Variants in UNK observed in about 807,000 individuals in gnomAD.
The protein encoded by UNK is unk zinc finger, also known as RING finger protein unkempt homolog.
In UNK, 32 loss-of-function variants were observed where a neutral mutation model predicts 97.6. The ratio of observed to expected loss-of-function variants is 0.33; its 90% CI spans 0.25 to 0.44. The LOEUF (loss-of-function observed/expected upper bound fraction) is 0.44. Among genes scored for constraint, UNK ranks in the 20% least tolerant of loss-of-function variants. The pLI is 1.00. For missense variants in UNK, 771 were observed against 1,098.4 expected (o/e 0.70, Z 4.21); for synonymous variants, 441 against 461.2 (o/e 0.96, Z 0.56).
At position 75,818,195 on chromosome 17, in the gene UNK, C is replaced by T. The variant is rs2062034225; in HGVS notation, c.1371+27C>T. On this transcript the variant is annotated intron_variant, in intron 10 of 15. Transcript: ENST00000589666. The surrounding 1 kb of genome is among the most constrained non-coding windows in gnomAD (Gnocchi z 5.1). ...TATAGAGCTCTCAGCCCCCTTCCTCCCCTCTGCTGTGGACAGGAGTGGCCC... is the reference window on the plus strand; with the variant it reads ...TATAGAGCTCTCAGCCCCCTTCCTCTCCTCTGCTGTGGACAGGAGTGGCCC... 1.9e-6 allele frequency: 3 copies of T among 1,612,612 alleles called. No individual in the cohort carries two copies. The highest frequency in any genetic ancestry group is 1.3e-5 in the African/African-American group (1 of 75,018).
chr17:75,817,389 A>C lies in UNK; in HGVS notation c.1168A>C (p.Ile390Leu), dbSNP rs1599386714. The C allele has an allele frequency of 6.2e-7, 1 of 1,611,134 alleles. No individual in the cohort carries two copies. The highest frequency in any genetic ancestry group is 8.5e-7 in the Non-Finnish European group (1 of 1,178,252). ...CCTCTGCGGCTCCCCACCGGGCTCC[A>C]TCAGGAAGCCCCCAAACCTGGAGGG... ...SNLCGSPPGS[I>L]RKPPNLEGIV... Residue 390 changes from isoleucine (I) to leucine (L), a missense_variant, in exon 9 of 16, where the codon ATC (isoleucine) becomes CTC (leucine). Physicochemically the swap from Ile to Leu is conservative, Grantham distance 5 (BLOSUM62 2). Around this residue, in one of 5 missense-constraint regions of UNK, gnomAD observed 192 missense variants for 202.4 expected, o/e 0.95. Transcript: ENST00000589666. The surrounding 1 kb of genome is among the most constrained non-coding windows in gnomAD (Gnocchi z 5.8).
At chr17:75,797,479 C>T (rs2061817024) in intron 1 of UNK, among the ~76,000 whole-genome samples, 1 of 152,244 alleles carries the variant, frequency 6.6e-6, no homozygotes. Context: ...AGGCGATCCG[C>T]CCGCCTTGGC....
chr17:75,787,458 T>C (rs1300524266), intron 1 of UNK, among the ~76,000 whole-genome samples: 1 of 151,718 alleles, frequency 6.6e-6, no homozygotes, highest in Non-Finnish European at 1.5e-5. Flanking sequence ...GCAAGCAATC[T>C]ACTGTTGGGC....
intron 1 of UNK, among the ~76,000 whole-genome samples, chr17:75,804,433 C>T (rs112433424): frequency 0.031 from 4,639 of 151,900 alleles, 254 homozygotes; most frequent in African/African-American, 0.11. Flanking sequence ...CCTGCCTGGG[C>T]GACAGAGTGA....
At chr17:75,800,118 G>C (rs183540867) in intron 1 of UNK, among the ~76,000 whole-genome samples, 1 of 152,116 alleles carries the variant, frequency 6.6e-6, no homozygotes, top group Admixed American at 6.5e-5. Flanking sequence ...CTCCTGGCTG[G>C]AGTGCAGTGG....
At chr17:75,804,597 G>A (rs992317541) in intron 1 of UNK, among the ~76,000 whole-genome samples, 2 of 152,146 alleles carry the variant, frequency 1.3e-5, no homozygotes, top group Admixed American at 6.5e-5. Context: ...CAGCACATTG[G>A]GAGGTTGAGG....
rs545235503 is a variant in UNK at position 75,816,936 on chromosome 17, G to A, written c.1104+24G>A. On this transcript the variant is annotated intron_variant, in intron 8 of 15. Coordinates refer to ENST00000589666, the MANE Select transcript of UNK (RefSeq NM_001080419.3). This position sits in a 1 kb window ranked among gnomAD's most constrained non-coding sequence, Gnocchi z 4.0. ...CCGTACGTGTCCATCCTGGGGAGTG[G>A]GTGGGCACCATGCCTGACAGAGCCA... is the stretch of plus-strand genomic sequence containing the variant. 1.3e-5 allele frequency: 20 copies of A among 1,589,344 alleles called. No homozygotes were observed. The South Asian group carries it at 2.0e-4, about 16-fold the overall frequency.
intron 1 of UNK, chr17:75,793,548 T>C (rs2061780355): frequency 3.0e-6 from 3 of 985,394 alleles, no homozygotes; most frequent in Admixed American, 1.2e-4. Flanking sequence ...TGACCTTTTT[T>C]CCTGTTGGTG....
At chr17:75,792,889 T>A (rs2061774567) in intron 1 of UNK, among the ~76,000 whole-genome samples, 1 of 152,234 alleles carries the variant, frequency 6.6e-6, no homozygotes, top group African/African-American at 2.4e-5. Context: ...AGAGAGGGCT[T>A]CAAGCGCATG....
Position 75,822,537 on chromosome 17 carries a change from G to T in UNK, c.1898G>T (p.Gly633Val), listed in dbSNP as rs1315496167. Residue 633 changes from glycine to valine, a missense_variant, in exon 14 of 16, where the codon GGC (glycine) becomes GTC (valine). Physicochemically the swap from Gly to Val is moderately radical, Grantham distance 109 (BLOSUM62 -3). Around this residue, in one of 5 missense-constraint regions of UNK, gnomAD observed 208 missense variants for 257.4 expected, o/e 0.81. Coordinates refer to ENST00000589666, the MANE Select transcript of UNK (RefSeq NM_001080419.3). ...EHFASGSFSP[G>V]TSPAFLSGPG... ...TTTGCCTCTGGAAGCTTCTCCCCGGGCACTTCCCCCGCTTTCCTATCAGGG... is the reference window on the plus strand; with the variant it reads ...TTTGCCTCTGGAAGCTTCTCCCCGGTCACTTCCCCCGCTTTCCTATCAGGG... 6.2e-7 allele frequency: 1 copy of T among 1,613,566 alleles called. No individual in the cohort carries two copies.
At position 75,809,760 on chromosome 17, in the gene UNK, G is replaced by A; in HGVS notation, c.105G>A (p.Thr35=). 2 of 1,604,428 alleles carry A rather than the reference G, an allele frequency of 1.2e-6. No individual in the cohort carries two copies. Among genetic ancestry groups the A allele is most frequent in the South Asian group, 2.2e-5 (2 of 89,666 alleles). ...GCCCCACGCGGGGCTCTCTCTGCAG[G>A]TACCTGAAAGAATTCCGCACAGAGC... ...QAQPEKPQHY[T]YLKEFRTEQC... Residue 35 remains threonine (T), a splice_region_variant and synonymous_variant, in exon 2 of 16, where the codon ACG becomes ACA. Coordinates refer to ENST00000589666, the MANE Select transcript of UNK (RefSeq NM_001080419.3).
intron 15 of UNK, 130 bp downstream of exon 15, chr17:75,823,652 A>C: frequency 1.5e-6 from 2 of 1,309,318 alleles, no homozygotes; most frequent in Non-Finnish European, 2.0e-6. Flanking sequence ...CTGGGCCAGC[A>C]CTCAAAAGGC....
At chr17:75,792,057 C>G in intron 1 of UNK, 1 of 985,440 alleles carries the variant, frequency 1.0e-6, no homozygotes, top group Non-Finnish European at 1.2e-6. Context: ...AAGCCATGAG[C>G]ACGCTTAGGT....
intron 1 of UNK, among the ~76,000 whole-genome samples, chr17:75,803,318 A>C (rs1599370863): frequency 1.3e-5 from 2 of 152,104 alleles, no homozygotes; most frequent in African/African-American, 4.8e-5. Context: ...CAGAAGAATC[A>C]CTTGAACCCG....
At position 75,825,666 on chromosome 17, in the gene UNK, TC is replaced by T. The variant is rs1362585468; in HGVS notation, c.*1251del. The stretch of plus-strand genomic sequence containing the variant: ...GAACAAGAGGGCTGAGAGGGTCTGG[TC>T]CTGGCCCAGGCTCCCCCTTGGGCTC... On this transcript the variant is annotated 3_prime_UTR_variant, in exon 16 of 16. Transcript: ENST00000589666. This position sits in a 1 kb window ranked among gnomAD's most constrained non-coding sequence, Gnocchi z 4.4. 1 of 152,258 alleles carries T rather than the reference TC, an allele frequency of 6.6e-6. No individual in the cohort carries two copies. The highest frequency in any genetic ancestry group is 2.4e-5 in the African/African-American group (1 of 41,442). The allele number at this position is 152,258 out of a possible 1,614,324, so 9.4% of individuals were successfully genotyped here.
intron 1 of UNK, among the ~76,000 whole-genome samples, chr17:75,786,416 TG>T: frequency 6.6e-6 from 1 of 152,342 alleles, no homozygotes; most frequent in African/African-American, 2.4e-5. Context: ...CAGCAACTTG[TG>T]TTTCTGTGTT....
chr17:75,804,945 G>A (rs1428162747), intron 1 of UNK, among the ~76,000 whole-genome samples: 1 of 152,122 alleles, frequency 6.6e-6, no homozygotes, highest in Admixed American at 6.5e-5. Context: ...TGTAATCCCA[G>A]CACTTTGGGA....
intron 1 of UNK, 75 bp downstream of exon 1, chr17:75,785,059 G>T (rs1230174474): frequency 9.1e-7 from 1 of 1,097,388 alleles, no homozygotes. Context: ...CGCGCGCAGG[G>T]AGAGCGCGAG....
chr17:75,818,057 A>AC lies in UNK; in HGVS notation c.1306-40dup, dbSNP rs758547491. ...GCCTCAGGGTCAGATGGACTCAGGG[A>AC]CCCCCCAGCACCACATTCATCCACT... On this transcript the variant is annotated intron_variant, in intron 9 of 15. Coordinates refer to ENST00000589666, the MANE Select transcript of UNK (RefSeq NM_001080419.3). The surrounding 1 kb of genome is among the most constrained non-coding windows in gnomAD (Gnocchi z 5.1). The AC allele has an allele frequency of 9.4e-6, 15 of 1,601,530 alleles. No individual in the cohort carries two copies. Among genetic ancestry groups the AC allele is most frequent in the African/African-American group, 8.1e-5 (6 of 74,430 alleles).
Sources: gnomAD v4.1 joint callset for allele counts (sites outside exome capture counted in the v4.1 genomes callset) on GRCh38, gnomAD v4.1.1 for gene constraint, gnomAD v4.1.1 regional missense constraint, Gnocchi (gnomAD v3.1) non-coding constraint, MANE v1.5 for transcripts, NCBI Gene and HGNC (gene_info 2026-07-23, HGNC 2026-07-21) for gene names.